The following ADAMTS13 variants were observed in gnomAD, a reference collection of about 807,000 sequenced individuals.
ADAMTS13 encodes ADAM metallopeptidase with thrombospondin type 1 motif 13, also known as A disintegrin and metalloproteinase with thrombospondin motifs 13.
In ADAMTS13, 110 loss-of-function variants were observed where a neutral mutation model predicts 155.1. The ratio of observed to expected loss-of-function variants is 0.71; its 90% CI spans 0.61 to 0.83. The LOEUF (loss-of-function observed/expected upper bound fraction) is 0.83, where lower values mean the gene tolerates loss of function less well. Ranked by LOEUF, ADAMTS13 falls within the 40% of genes least tolerant of loss-of-function variation. The pLI, the probability that ADAMTS13 is intolerant of heterozygous loss-of-function variation, is 0.00. For synonymous variants in ADAMTS13, 758 were observed against 756.4 expected, an observed-to-expected ratio of 1.00 and a Z score of -0.03; for missense variants, 1,707 against 1,891.7, an observed-to-expected ratio of 0.90 and a Z score of 1.81.
chr9:133,430,326 T>C, intron 8 of ADAMTS13: 1 of 679,252 alleles, frequency 1.5e-6, no homozygotes, highest in South Asian at 1.6e-5. Context: ...ACAAATTATG[T>C]AGCTAGTCCT....
chr9:133,415,480 A>G (rs1839532451), intron 1 of ADAMTS13, among the ~76,000 whole-genome samples: 1 of 151,688 alleles, frequency 6.6e-6, no homozygotes, highest in Non-Finnish European at 1.5e-5. Context: ...GGGGGGTGTC[A>G]TAAATGAAAA....
At position 133,456,969 on chromosome 9, in the gene ADAMTS13, A is replaced by G; in HGVS notation, c.3724+250A>G. 3.2e-6 allele frequency: 2 copies of G among 627,954 alleles called. No individual in the cohort carries two copies. The highest frequency in any genetic ancestry group is 1.6e-5 in the South Asian group (1 of 60,718). The allele number at this position is 627,954 out of a possible 1,614,324, so 38.9% of individuals were successfully genotyped here. On this transcript the variant is annotated intron_variant, in intron 27 of 28. Coordinates refer to ENST00000355699, the MANE Select transcript of ADAMTS13 (RefSeq NM_139027.6). This position sits in a 1 kb window ranked among gnomAD's most constrained non-coding sequence, Gnocchi z 4.4. Reference sequence around the variant, plus strand: ...TGGACGGATGTGGGACATGGTCCACATCCTCAGTCAGTCCCTCAGGCCTCT... The same window carrying G: ...TGGACGGATGTGGGACATGGTCCACGTCCTCAGTCAGTCCCTCAGGCCTCT...
At chr9:133,433,564 G>A (rs1554788168) in intron 10 of ADAMTS13, 35 bp downstream of exon 10, 7 of 1,613,780 alleles carry the variant, frequency 4.3e-6, no homozygotes, top group East Asian at 2.2e-5. Flanking sequence ...GTCAGGGAGT[G>A]TGGCCATACC....
chr9:133,427,621 C>T (rs185677806), intron 6 of ADAMTS13, among the ~76,000 whole-genome samples: 1 of 152,258 alleles, frequency 6.6e-6, no homozygotes, highest in Admixed American at 6.5e-5. Flanking sequence ...GGGTTCTTGG[C>T]TTCACCGAGG....
chr9:133,428,624 C>T lies in ADAMTS13; in HGVS notation c.687-10C>T. 1 of 1,313,146 alleles carries T rather than the reference C, an allele frequency of 7.6e-7. No individual in the cohort carries two copies. The highest frequency in any genetic ancestry group is 9.7e-7 in the Non-Finnish European group (1 of 1,028,338). The allele number at this position is 1,313,146 out of a possible 1,614,324, so 81.3% of individuals were successfully genotyped here. A position where few individuals can be genotyped will look rare whatever the true frequency, so the allele number is the denominator to read the frequency against. On this transcript the variant is annotated splice_polypyrimidine_tract_variant and intron_variant, in intron 6 of 28. Coordinates refer to ENST00000355699, the MANE Select transcript of ADAMTS13 (RefSeq NM_139027.6). ...GGCCGCCTTAGCGCAACTCCCCGCC[C>T]CCCGACCAGCTTCGGCCTGGAGCAC...
chr9:133,428,837 C>T (rs1356506771), intron 7 of ADAMTS13, 66 bp downstream of exon 7: 8 of 1,220,612 alleles, frequency 6.6e-6, no homozygotes, highest in Non-Finnish European at 8.2e-6. Flanking sequence ...CCAGCGCCAC[C>T]TCTCTCTACG....
rs376549668 is a variant in ADAMTS13, at chr9:133,426,247, C to T, written c.588C>T (p.Thr196=). 6.8e-6 allele frequency: 11 copies of T among 1,613,008 alleles called. No homozygotes were observed. Among genetic ancestry groups the T allele is most frequent in the Non-Finnish European group, 9.3e-6 (11 of 1,180,000 alleles). ...GTAACCGGCAGGTGCGGGGCGTCACCCAGCTGGGCGGTGCCTGCTCCCCAA... is the reference window on the plus strand; with the variant it reads ...GTAACCGGCAGGTGCGGGGCGTCACTCAGCTGGGCGGTGCCTGCTCCCCAA... The part of the protein sequence containing the change: ...PDGNRQVRGV[T]QLGGACSPTW... The change falls in exon 6 of 29, where the codon ACC becomes ACT. Residue 196 remains threonine (T), a synonymous_variant. Coordinates refer to ENST00000355699, the MANE Select transcript of ADAMTS13 (RefSeq NM_139027.6).
chr9:133,453,998 G>C (rs1229830358), intron 23 of ADAMTS13, among the ~76,000 whole-genome samples: 1 of 152,150 alleles, frequency 6.6e-6, no homozygotes, highest in African/African-American at 2.4e-5. Flanking sequence ...ATTGATTACA[G>C]ATCAACATGG....
At chr9:133,415,039 C>T (rs186132720) in intron 1 of ADAMTS13, 4 of 1,549,968 alleles carry the variant, frequency 2.6e-6, no homozygotes, top group Admixed American at 4.3e-5. Context: ...ATACATGCTG[C>T]ATTTGAATTT....
At chr9:133,443,691 GGGCAGT>G in intron 19 of ADAMTS13, 130 bp downstream of exon 19, 1 of 1,038,192 alleles carries the variant, frequency 9.6e-7, no homozygotes, top group South Asian at 1.8e-5. Flanking sequence ...CCAGGGTGAT[GGGCAGT>G]GTCACCTGGC....
chr9:133,434,073 G>A (rs1840999106), intron 11 of ADAMTS13, among the ~76,000 whole-genome samples: 4 of 151,656 alleles, frequency 2.6e-5, no homozygotes, highest in Admixed American at 1.3e-4. Flanking sequence ...TCCAGCCTGG[G>A]CGACAGAGTG....
rs782153255 is a variant in ADAMTS13, at chr9:133,433,401, C to T, written c.1116C>T (p.Arg372=). Reference sequence around the variant, plus strand: ...AGTGGTGCTCCAAGGGTCGCTGCCGCTCCCTGGTGGAGCTGACCCCCATAG... The same window carrying T: ...AGTGGTGCTCCAAGGGTCGCTGCCGTTCCCTGGTGGAGCTGACCCCCATAG... ...VEKWCSKGRC[R]SLVELTPIAA... The change falls in exon 10 of 29, where the codon CGC becomes CGT. Residue 372 remains arginine (R), a synonymous_variant. Transcript: ENST00000355699. 7 of 1,613,108 alleles carry T rather than the reference C, an allele frequency of 4.3e-6. No homozygotes were observed. In the South Asian group the frequency reaches 7.7e-5, roughly 18 times the overall value.
In ADAMTS13 at chr9:133,456,240, T is replaced by C. The variant is rs781871799; in HGVS notation, c.3547+25T>C. 1.1e-5 allele frequency: 18 copies of C among 1,613,056 alleles called. No individual in the cohort carries two copies. In the East Asian group the frequency reaches 3.6e-4, roughly 32 times the overall value. On this transcript the variant is annotated intron_variant, in intron 26 of 28. Coordinates refer to ENST00000355699, the MANE Select transcript of ADAMTS13 (RefSeq NM_139027.6). The surrounding 1 kb of genome is among the most constrained non-coding windows in gnomAD (Gnocchi z 4.4). ...GGTATGTCTAGGGCCATGCAAGCGA[T>C]GCTGCCAGTTATGGGCCCTGCCAGG... is the stretch of plus-strand genomic sequence containing the variant.
At position 133,458,012 on chromosome 9, in the gene ADAMTS13, C is replaced by T. The variant is rs782641810; in HGVS notation, c.3827C>T (p.Ala1276Val). ...AGGCRLFINV[A>V]PHARIAIHAL... Reference sequence around the variant, plus strand: ...GGCTGCCGGCTCTTCATTAATGTGGCTCCGCACGCACGGATTGCCATCCAT... The same window carrying T: ...GGCTGCCGGCTCTTCATTAATGTGGTTCCGCACGCACGGATTGCCATCCAT... The change falls in exon 28 of 29, where the codon GCT (alanine) becomes GTT (valine). Residue 1276 changes from alanine (A) to valine (V), a missense_variant. Physicochemically the swap from Ala to Val is moderately conservative, Grantham distance 64. Around this residue, in one of 3 missense-constraint regions of ADAMTS13, gnomAD observed 961 missense variants for 1,107.9 expected, o/e 0.87. Transcript: ENST00000355699. 6.2e-7 allele frequency: 1 copy of T among 1,613,540 alleles called. No homozygotes were observed. Among genetic ancestry groups the T allele is most frequent in the South Asian group, 1.1e-5 (1 of 91,084 alleles).
chr9:133,453,568 G>A (rs1444199497), intron 23 of ADAMTS13, among the ~76,000 whole-genome samples: 1 of 152,058 alleles, frequency 6.6e-6, no homozygotes, highest in African/African-American at 2.4e-5. Context: ...AGGCTGAGGT[G>A]AGAGGATGGC....
Position 133,445,563 on chromosome 9 carries a change from GGGA to G in ADAMTS13, c.2611-130_2611-128del. The G allele has an allele frequency of 7.2e-7, 1 of 1,388,040 alleles. No individual in the cohort carries two copies. Among genetic ancestry groups the G allele is most frequent in the Middle Eastern group, 2.5e-4 (1 of 4,028 alleles). The allele number at this position is 1,388,040 out of a possible 1,614,324, so 86.0% of individuals were successfully genotyped here. On this transcript the variant is annotated intron_variant, in intron 20 of 28. Coordinates refer to ENST00000355699, the MANE Select transcript of ADAMTS13 (RefSeq NM_139027.6). This position sits in a 1 kb window ranked among gnomAD's most constrained non-coding sequence, Gnocchi z 5.0. Reference sequence around the variant, plus strand: ...GAGACCGGGGAGCCGATCTCGCCAAGGGAGGAGGGGAGGGAGCCCCTGGTGCAC... The same window carrying G: ...GAGACCGGGGAGCCGATCTCGCCAAGGGAGGGGAGGGAGCCCCTGGTGCAC...
intron 22 of ADAMTS13, 111 bp downstream of exon 22, chr9:133,448,839 G>GC: frequency 6.7e-7 from 1 of 1,493,540 alleles, no homozygotes. Flanking sequence ...TGCTGGCTGT[G>GC]CACTGTGTGA....
In ADAMTS13 at chr9:133,448,639, C is replaced by T. The variant is rs1197887629; in HGVS notation, c.2772C>T (p.Leu924=). 2.5e-6 allele frequency: 4 copies of T among 1,609,860 alleles called. No individual in the cohort carries two copies. Among genetic ancestry groups the T allele is most frequent in the African/African-American group, 1.3e-5 (1 of 74,938 alleles). Residue 924 remains leucine, a synonymous_variant, in exon 22 of 29, where the codon CTC becomes CTT. Transcript: ENST00000355699. ...ELRFLCMDSA[L]RVPVQEELCG... The stretch of plus-strand genomic sequence containing the variant: ...GTTTCCTGTGCATGGACTCTGCCCT[C>T]AGGGTGCCTGTCCAGGAAGAGCTGT...
chr9:133,436,851 A>T lies in ADAMTS13; in HGVS notation c.1331A>T (p.Glu444Val), dbSNP rs1841267295. 6.5e-7 allele frequency: 1 copy of T among 1,541,954 alleles called. No individual in the cohort carries two copies. Among genetic ancestry groups the T allele is most frequent in the African/African-American group, 1.4e-5 (1 of 70,350 alleles). The change falls in exon 12 of 29, where the codon GAG becomes GTG. Residue 444 changes from glutamate (E) to valine (V), a missense_variant. By Grantham distance (121) the Glu-to-Val change is moderately radical. Coordinates refer to ENST00000355699, the MANE Select transcript of ADAMTS13 (RefSeq NM_139027.6). ...NTQACEKTQLEFMSQQCARTD... is the reference protein window; with the variant it reads ...NTQACEKTQLVFMSQQCARTD... ...CAGGCCTGCGAGAAGACCCAGCTGG[A>T]GTTCATGTCGCAACAGTGCGCCAGG...
Sources: allele counts gnomAD v4.1 joint callset (sites outside exome capture counted in the v4.1 genomes callset), GRCh38; gene constraint gnomAD v4.1.1; regional missense constraint gnomAD v4.1.1; non-coding constraint Gnocchi (gnomAD v3.1); transcripts MANE v1.5; gene names NCBI Gene and HGNC (gene_info 2026-07-23, HGNC 2026-07-21).